PNPLA1: variants seen among roughly 807,000 people sequenced by gnomAD.
PNPLA1 encodes omega-hydroxyceramide transacylase.
Under a neutral mutation model 51.7 loss-of-function variants are expected in PNPLA1, and 36 were observed. That is an observed-to-expected ratio of 0.70 (90% CI 0.53 to 0.92). PNPLA1 has a LOEUF of 0.92. Among genes scored for constraint, PNPLA1 ranks in the 40% least tolerant of loss-of-function variants. The pLI, the probability that PNPLA1 is intolerant of heterozygous loss-of-function variation, is 0.00. For missense variants in PNPLA1, 658 were observed against 682.5 expected (o/e 0.96, Z 0.40); for synonymous variants, 293 against 280.1 (o/e 1.05, Z -0.46).
Position 36,302,280 on chromosome 6 carries a change from C to G in PNPLA1, c.1195C>G (p.Leu399Val). Residue 399 changes from leucine (L) to valine (V), a missense_variant, in exon 6 of 9, where the codon CTG (leucine) becomes GTG (valine). Transcript: ENST00000636260. ...LPTPPPGLSP[L>V]SPQQQVQPSG... ...CACCCCACCACCTGGACTGTCACCT[C>G]TGTCACCTCAGCAGCAGGTACAACC... is the stretch of plus-strand genomic sequence containing the variant. 1 of 1,614,166 alleles carries G rather than the reference C, an allele frequency of 6.2e-7. No homozygotes were observed. Among genetic ancestry groups the G allele is most frequent in the Non-Finnish European group, 8.5e-7 (1 of 1,180,022 alleles).
chr6:36,278,443 G>T (rs1770177140), intron 1 of PNPLA1, among the ~76,000 whole-genome samples: 3 of 152,206 alleles, frequency 2.0e-5, no homozygotes, highest in African/African-American at 7.2e-5. Context: ...AGTAAGTCCA[G>T]CTCCCTCATT....
chr6:36,272,675 G>A (rs1769955209), intron 1 of PNPLA1, among the ~76,000 whole-genome samples: 1 of 152,186 alleles, frequency 6.6e-6, no homozygotes, highest in Non-Finnish European at 1.5e-5. Flanking sequence ...TTGGATTCAG[G>A]ACGTGCTTTG....
At chr6:36,256,382 G>T (rs950923791) in intron 1 of PNPLA1, among the ~76,000 whole-genome samples, 1 of 151,854 alleles carries the variant, frequency 6.6e-6, no homozygotes, top group Non-Finnish European at 1.5e-5. Flanking sequence ...AACAAATTAA[G>T]CCAAAATCTT....
intron 1 of PNPLA1, among the ~76,000 whole-genome samples, chr6:36,262,306 C>T (rs1397166888): frequency 6.6e-6 from 1 of 152,180 alleles, no homozygotes; most frequent in Non-Finnish European, 1.5e-5. Flanking sequence ...GCCCTGAATC[C>T]CCAGACAACA....
chr6:36,278,677 A>G (rs1017723136), intron 1 of PNPLA1, among the ~76,000 whole-genome samples: 2 of 152,226 alleles, frequency 1.3e-5, no homozygotes, highest in Admixed American at 6.5e-5. Context: ...ATGTAAAGAA[A>G]ATCTTTCAGT....
At chr6:36,256,789 A>G (rs1395555225) in intron 1 of PNPLA1, among the ~76,000 whole-genome samples, 1 of 152,162 alleles carries the variant, frequency 6.6e-6, no homozygotes, top group Non-Finnish European at 1.5e-5. Context: ...TCTGAAATAA[A>G]CAGACAGTAG....
intron 1 of PNPLA1, among the ~76,000 whole-genome samples, chr6:36,252,786 A>G (rs1264334092): frequency 6.6e-6 from 1 of 152,202 alleles, no homozygotes; most frequent in Non-Finnish European, 1.5e-5. Flanking sequence ...CCTTCCTGGT[A>G]TTATCTTAGA....
chr6:36,289,397 G>A (rs1770605234), intron 1 of PNPLA1, among the ~76,000 whole-genome samples: 1 of 152,206 alleles, frequency 6.6e-6, no homozygotes. Flanking sequence ...CAAATGAGCA[G>A]TTGCCGCATC....
chr6:36,274,077 ACTAGC>A (rs1466519158), intron 1 of PNPLA1, among the ~76,000 whole-genome samples: 1 of 152,172 alleles, frequency 6.6e-6, no homozygotes, highest in African/African-American at 2.4e-5. Context: ...TTTACTCTTA[ACTAGC>A]ACTTCCTTTT....
At chr6:36,309,675 G>A (rs1471648369) in intron 8 of PNPLA1, among the ~76,000 whole-genome samples, 4 of 152,220 alleles carry the variant, frequency 2.6e-5, no homozygotes, top group Non-Finnish European at 5.9e-5. Context: ...AAGCATTGTT[G>A]TCATTGGGTC....
At chr6:36,292,438 T>G (rs575279926) in intron 2 of PNPLA1, among the ~76,000 whole-genome samples, 16 of 151,836 alleles carry the variant, frequency 1.1e-4, no homozygotes, top group African/African-American at 3.6e-4. Context: ...ATGCCAACCC[T>G]AGCAAACCAC....
At chr6:36,299,556 G>A (rs1251001936) in intron 5 of PNPLA1, among the ~76,000 whole-genome samples, 1 of 151,970 alleles carries the variant, frequency 6.6e-6, no homozygotes, top group African/African-American at 2.4e-5. Context: ...GGATGGTCTC[G>A]ATCTCTTGAC....
Position 36,294,382 on chromosome 6 carries a change from T to A in PNPLA1, c.697T>A (p.Phe233Ile), listed in dbSNP as rs753726063. 3.1e-6 allele frequency: 5 copies of A among 1,613,304 alleles called. No homozygotes were observed. Among genetic ancestry groups the A allele is most frequent in the Non-Finnish European group, 4.2e-6 (5 of 1,179,326 alleles). Reference sequence around the variant, plus strand: ...CATCGCCAGGATGACCCACGCATTGTTCCCCCCGGACCTGGTGGTGAGAGG... The same window carrying A: ...CATCGCCAGGATGACCCACGCATTGATCCCCCCGGACCTGGTGGTGAGAGG... ...ENIARMTHAL[F>I]PPDLVILHDY... The change falls in exon 4 of 9, where the codon TTC (phenylalanine) becomes ATC (isoleucine). Residue 233 changes from phenylalanine to isoleucine, a missense_variant. Phe to Ile is a conservative substitution (Grantham distance 21). Transcript: ENST00000636260. The surrounding 1 kb of genome is among the most constrained non-coding windows in gnomAD (Gnocchi z 4.2).
chr6:36,252,911 T>G (rs1769453427), intron 1 of PNPLA1, among the ~76,000 whole-genome samples: 2 of 152,260 alleles, frequency 1.3e-5, no homozygotes, highest in South Asian at 4.1e-4. Context: ...CCGGGCGTGG[T>G]GGCTCACGCC....
At chr6:36,307,076 C>T (rs978732072) in intron 7 of PNPLA1, among the ~76,000 whole-genome samples, 4 of 152,108 alleles carry the variant, frequency 2.6e-5, no homozygotes, top group South Asian at 2.1e-4. Context: ...CTCCCCACAA[C>T]CCCAGCCCCC....
chr6:36,266,276 G>A (rs1769757499), upstream of PNPLA1, among the ~76,000 whole-genome samples: 1 of 152,174 alleles, frequency 6.6e-6, no homozygotes, highest in African/African-American at 2.4e-5. Flanking sequence ...CCTCAAAAAT[G>A]GTGTGAGGTA....
At chr6:36,283,917 G>A (rs1196622830) in intron 1 of PNPLA1, among the ~76,000 whole-genome samples, 1 of 152,224 alleles carries the variant, frequency 6.6e-6, no homozygotes, top group Admixed American at 6.5e-5. Flanking sequence ...TTCCACCTTG[G>A]AGCAGGGCCC....
chr6:36,285,838 C>T (rs1001371823), intron 1 of PNPLA1, among the ~76,000 whole-genome samples: 3 of 152,178 alleles, frequency 2.0e-5, no homozygotes, highest in African/African-American at 7.2e-5. Flanking sequence ...GCCCCTCTTT[C>T]CCCCTACTAT....
intron 1 of PNPLA1, among the ~76,000 whole-genome samples, chr6:36,274,503 T>C (rs1770031330): frequency 6.6e-6 from 1 of 152,146 alleles, no homozygotes; most frequent in Non-Finnish European, 1.5e-5. Flanking sequence ...TCTTTTTAGT[T>C]AGTCATTTTA....
Sources: gnomAD v4.1 joint callset for allele counts (sites outside exome capture counted in the v4.1 genomes callset) on GRCh38, gnomAD v4.1.1 for gene constraint, Gnocchi (gnomAD v3.1) non-coding constraint, MANE v1.5 for transcripts, NCBI Gene and HGNC (gene_info 2026-07-23, HGNC 2026-07-21) for gene names.